TMEM232: variants seen among roughly 807,000 people sequenced by gnomAD.
TMEM232 encodes transmembrane protein 232.
A neutral mutation model predicts 78.8 loss-of-function variants in TMEM232; 80 were observed. That is an observed-to-expected ratio of 1.01 (90% confidence interval 0.85 to 1.22). TMEM232 has a LOEUF of 1.22. Among genes scored for constraint, TMEM232 ranks in the 50% most tolerant of loss-of-function variants. TMEM232 has a pLI of 0.00. For missense variants in TMEM232, 881 were observed against 742.2 expected (o/e 1.19, Z -2.17); for synonymous variants, 297 against 254.3 (o/e 1.17, Z -1.60).
chr5:110,497,463 C>A (rs537019450), intron 12 of TMEM232, among the ~76,000 whole-genome samples: 1 of 152,094 alleles, frequency 6.6e-6, no homozygotes, highest in East Asian at 1.9e-4. Flanking sequence ...GGAAGACTAA[C>A]CAGTGATGGA....
chr5:110,530,300 C>T (rs910396494), intron 11 of TMEM232, among the ~76,000 whole-genome samples: 1 of 152,058 alleles, frequency 6.6e-6, no homozygotes, highest in Non-Finnish European at 1.5e-5. Context: ...GAAAGAATAA[C>T]ATGGAAAAAA....
intron 1 of TMEM232, among the ~76,000 whole-genome samples, chr5:110,701,937 G>A (rs1468567452): frequency 6.6e-6 from 1 of 151,894 alleles, no homozygotes; most frequent in Admixed American, 6.6e-5. Context: ...AAAATATTTG[G>A]AACATTTAAT....
At chr5:110,455,379 A>AC (rs1196126710) in intron 12 of TMEM232, among the ~76,000 whole-genome samples, 5 of 150,406 alleles carry the variant, frequency 3.3e-5, no homozygotes, top group Non-Finnish European at 5.9e-5. Flanking sequence ...GTAGATATAA[A>AC]CTTTTTTTTT....
intron 8 of TMEM232, among the ~76,000 whole-genome samples, chr5:110,612,068 T>A (rs947850743): frequency 1.4e-4 from 21 of 152,162 alleles, no homozygotes; most frequent in African/African-American, 4.3e-4. Flanking sequence ...GCAGGACATG[T>A]AGTATCCAGG....
intron 12 of TMEM232, among the ~76,000 whole-genome samples, chr5:110,519,452 A>C (rs1389489795): frequency 2.0e-5 from 3 of 152,200 alleles, no homozygotes; most frequent in Non-Finnish European, 4.4e-5. Flanking sequence ...AATGGCTTCT[A>C]TTCAAAAGAC....
At chr5:110,616,363 C>T (rs1329325926) in intron 8 of TMEM232, among the ~76,000 whole-genome samples, 3 of 151,970 alleles carry the variant, frequency 2.0e-5, no homozygotes, top group African/African-American at 7.2e-5. Flanking sequence ...TGAACATCCA[C>T]AAGCAGAATT....
chr5:110,588,679 T>C (rs1779141197), intron 10 of TMEM232, among the ~76,000 whole-genome samples: 1 of 151,962 alleles, frequency 6.6e-6, no homozygotes, highest in Non-Finnish European at 1.5e-5. Context: ...GAAAGAAAAA[T>C]TTCATTGTAG....
At chr5:110,693,848 G>A (rs149380832) in intron 1 of TMEM232, among the ~76,000 whole-genome samples, 3,679 of 152,226 alleles carry the variant, frequency 0.024, 46 homozygotes, top group African/African-American at 0.032. Flanking sequence ...TGAAAGTGAC[G>A]GGGAGAATGG....
chr5:110,483,962 T>C (rs927826786), intron 12 of TMEM232, among the ~76,000 whole-genome samples: 3 of 152,194 alleles, frequency 2.0e-5, no homozygotes, highest in East Asian at 1.9e-4. Flanking sequence ...ATATACAGTA[T>C]GGAATACTAT....
chr5:110,577,919 G>A (rs1777754540), intron 10 of TMEM232, among the ~76,000 whole-genome samples: 1 of 151,606 alleles, frequency 6.6e-6, no homozygotes, highest in African/African-American at 2.4e-5. Flanking sequence ...ATAACTAATG[G>A]GTACTAGGCT....
At chr5:110,665,174 C>G (rs1256467316) in intron 2 of TMEM232, among the ~76,000 whole-genome samples, 1 of 152,150 alleles carries the variant, frequency 6.6e-6, no homozygotes, top group African/African-American at 2.4e-5. Flanking sequence ...TTAAAAATCA[C>G]ACACAATTTT....
At chr5:110,422,287 G>A (rs537951992) in intron 13 of TMEM232, among the ~76,000 whole-genome samples, 80 of 151,796 alleles carry the variant, frequency 5.3e-4, no homozygotes, top group African/African-American at 1.8e-3. Context: ...AGGCTGAGGC[G>A]GGCGGATCAC....
chr5:110,393,445 G>C (rs930302720), intron 3 of TMEM232, among the ~76,000 whole-genome samples: 14 of 151,926 alleles, frequency 9.2e-5, no homozygotes, highest in African/African-American at 2.9e-4. Flanking sequence ...TATTAATATA[G>C]CTACTTTAGC....
At chr5:110,588,238 G>C (rs1007638470) in intron 10 of TMEM232, among the ~76,000 whole-genome samples, 8 of 152,066 alleles carry the variant, frequency 5.3e-5, no homozygotes, top group Admixed American at 2.0e-4. Flanking sequence ...ACTGTCATTG[G>C]AGAACCGGCT....
At chr5:110,620,629 CTCTCTCT>C (rs1783564217) in intron 7 of TMEM232, among the ~76,000 whole-genome samples, 1 of 103,560 alleles carries the variant, frequency 9.7e-6, no homozygotes, top group African/African-American at 3.9e-5. Flanking sequence ...CTCTCTCTCT[CTCTCTCT>C]CTCCTCTCTC....
intron 2 of TMEM232, among the ~76,000 whole-genome samples, chr5:110,398,215 G>A (rs914869632): frequency 6.6e-6 from 1 of 152,054 alleles, no homozygotes; most frequent in African/African-American, 2.4e-5. Flanking sequence ...CAAATCTGTG[G>A]AGAACGAAAA....
chr5:110,577,190 A>C (rs1777664833), intron 10 of TMEM232, among the ~76,000 whole-genome samples: 2 of 152,098 alleles, frequency 1.3e-5, no homozygotes, highest in African/African-American at 4.8e-5. Context: ...CAAGAAAAAA[A>C]ATCCCATAAA....
chr5:110,493,429 A>T (rs1765318459), intron 12 of TMEM232, among the ~76,000 whole-genome samples: 1 of 152,038 alleles, frequency 6.6e-6, no homozygotes, highest in African/African-American at 2.4e-5. Flanking sequence ...AAGACTTACT[A>T]TAAAATTGAA....
chr5:110,663,770 T>C (rs947198520), intron 2 of TMEM232, among the ~76,000 whole-genome samples: 66 of 151,012 alleles, frequency 4.4e-4, no homozygotes, highest in African/African-American at 1.6e-3. Flanking sequence ...TGTGTGTGTG[T>C]GTGTATATAC....
Sources: allele counts gnomAD v4.1 joint callset (sites outside exome capture counted in the v4.1 genomes callset), GRCh38; gene constraint gnomAD v4.1.1; transcripts MANE v1.5; gene names NCBI Gene and HGNC (gene_info 2026-07-23, HGNC 2026-07-21).